The following NEK11 variants were observed in gnomAD, a reference collection of about 807,000 sequenced individuals.
NEK11 encodes NIMA related kinase 11.
In NEK11, 72 loss-of-function variants were observed where a neutral mutation model predicts 80.7. The ratio of observed to expected loss-of-function variants is 0.89; its 90% CI spans 0.74 to 1.08. The LOEUF (loss-of-function observed/expected upper bound fraction) is 1.08, where lower values mean the gene tolerates loss of function less well. Ranked by LOEUF, NEK11 falls within the 50% of genes least tolerant of loss-of-function variation. The probability of loss-of-function intolerance (pLI) is 0.00; values close to 1 mark genes in which losing one functional copy is unlikely to be tolerated. For synonymous variants in NEK11, 251 were observed against 260.7 expected, an observed-to-expected ratio of 0.96 and a Z score of 0.36; for missense variants, 764 against 763.6, an observed-to-expected ratio of 1.00 and a Z score of -0.01.
chr3:131,210,695 T>C (rs1471787250), intron 14 of NEK11, among the ~76,000 whole-genome samples: 1 of 152,234 alleles, frequency 6.6e-6, no homozygotes, highest in Non-Finnish European at 1.5e-5. Flanking sequence ...AGTTAGCTCT[T>C]CTTATTGAAT....
At chr3:131,134,004 T>A in intron 7 of NEK11, 48 bp downstream of exon 7, 1 of 1,497,040 alleles carries the variant, frequency 6.7e-7, no homozygotes, top group Non-Finnish European at 9.0e-7. Context: ...CCTAAAAGAA[T>A]GGTACATTTT....
chr3:131,080,616 CTT>C, intron 4 of NEK11, 28 bp downstream of exon 4: 1 of 1,576,590 alleles, frequency 6.3e-7, no homozygotes, highest in Non-Finnish European at 8.6e-7. Context: ...TCTTGGAAGT[CTT>C]TATAAAAACT....
At chr3:131,291,605 T>A (rs774338556) in intron 17 of NEK11, among the ~76,000 whole-genome samples, 2 of 152,222 alleles carry the variant, frequency 1.3e-5, no homozygotes, top group South Asian at 4.1e-4. Context: ...CTCATCCTTG[T>A]CAGCATTTGG....
At chr3:131,240,097 T>C (rs573628749) in intron 15 of NEK11, among the ~76,000 whole-genome samples, 3 of 152,280 alleles carry the variant, frequency 2.0e-5, no homozygotes, top group South Asian at 2.1e-4. Context: ...AATTTTTTTT[T>C]CCCTTTAACT....
At chr3:131,341,150 C>T (rs2097278482) in intron 17 of NEK11, among the ~76,000 whole-genome samples, 1 of 152,152 alleles carries the variant, frequency 6.6e-6, no homozygotes, top group Admixed American at 6.5e-5. Flanking sequence ...AATTCAAATG[C>T]ATCATTGCAG....
chr3:131,086,751 A>G (rs1455171941), intron 4 of NEK11, among the ~76,000 whole-genome samples: 2 of 152,194 alleles, frequency 1.3e-5, no homozygotes, highest in East Asian at 1.9e-4. Flanking sequence ...CTTATTCTCA[A>G]TTATTTTCAG....
intron 3 of NEK11, among the ~76,000 whole-genome samples, chr3:131,071,947 C>G (rs556537901): frequency 3.9e-5 from 6 of 152,286 alleles, no homozygotes; most frequent in Admixed American, 1.3e-4. Flanking sequence ...ACCTAAATAA[C>G]TTTATCATTT....
intron 4 of NEK11, among the ~76,000 whole-genome samples, chr3:131,088,619 T>G (rs566236661): frequency 1.3e-3 from 203 of 152,326 alleles, no homozygotes; most frequent in African/African-American, 4.6e-3. Context: ...GATAAAAGCA[T>G]TATTTCACAT....
intron 17 of NEK11, among the ~76,000 whole-genome samples, chr3:131,342,853 C>T (rs899116048): frequency 2.0e-5 from 3 of 152,104 alleles, no homozygotes; most frequent in African/African-American, 7.2e-5. Context: ...TAACAAAATA[C>T]TTCAGGCTGG....
At chr3:131,066,049 A>G (rs960227560) in intron 3 of NEK11, among the ~76,000 whole-genome samples, 1 of 152,188 alleles carries the variant, frequency 6.6e-6, no homozygotes, top group Admixed American at 6.5e-5. Flanking sequence ...TATGAAAAGG[A>G]TATCACAGAC....
intron 16 of NEK11, among the ~76,000 whole-genome samples, chr3:131,258,617 C>T (rs1020882588): frequency 1.3e-5 from 2 of 152,164 alleles, no homozygotes; most frequent in African/African-American, 4.8e-5. Context: ...ACAGACACTT[C>T]GTCTCTTCCT....
chr3:131,298,240 A>G (rs1191066028), intron 17 of NEK11, among the ~76,000 whole-genome samples: 7 of 151,976 alleles, frequency 4.6e-5, no homozygotes, highest in South Asian at 2.1e-4. Context: ...CATTGAATCT[A>G]TAAATTACCT....
chr3:131,057,202 A>G (rs1353064385), intron 3 of NEK11, among the ~76,000 whole-genome samples: 2 of 151,648 alleles, frequency 1.3e-5, no homozygotes, highest in Admixed American at 6.6e-5. Flanking sequence ...CCATGTCCCT[A>G]CAAAGGACAT....
At chr3:131,263,629 G>T (rs2108511078) in intron 16 of NEK11, among the ~76,000 whole-genome samples, 1 of 152,242 alleles carries the variant, frequency 6.6e-6, no homozygotes, top group African/African-American at 2.4e-5. Context: ...GGACATTTGG[G>T]TTGGTTCCAA....
intron 14 of NEK11, among the ~76,000 whole-genome samples, chr3:131,195,804 A>ATATATG (rs2093982764): frequency 6.8e-6 from 1 of 146,186 alleles, no homozygotes; most frequent in African/African-American, 2.5e-5. Flanking sequence ...ATATATATAT[A>ATATATG]TATATATATA....
chr3:131,027,370 C>G (rs1172904314), intron 1 of NEK11: 1 of 152,018 alleles, frequency 6.6e-6, no homozygotes, highest in East Asian at 1.9e-4. Context: ...AATACTCCTT[C>G]CGTTGTCTTT....
intron 16 of NEK11, among the ~76,000 whole-genome samples, chr3:131,263,907 A>G (rs2095989034): frequency 6.6e-6 from 1 of 152,134 alleles, no homozygotes; most frequent in African/African-American, 2.4e-5. Context: ...TCGCCATTCT[A>G]ACTGCTGTGA....
intron 15 of NEK11, among the ~76,000 whole-genome samples, chr3:131,232,567 C>T (rs1007312139): frequency 3.9e-4 from 59 of 152,350 alleles, no homozygotes; most frequent in Middle Eastern, 3.4e-3. Flanking sequence ...CAGAGTTCCA[C>T]TATTCCAGTT....
chr3:131,170,654 G>T, intron 13 of NEK11, 119 bp from the exon 14 acceptor site: 1 of 691,284 alleles, frequency 1.4e-6, no homozygotes. Flanking sequence ...AACGTTTAAG[G>T]GAGAGGATTA....
Sources: gnomAD v4.1 joint callset for allele counts (sites outside exome capture counted in the v4.1 genomes callset) on GRCh38, gnomAD v4.1.1 for gene constraint, MANE v1.5 for transcripts, NCBI Gene and HGNC (gene_info 2026-07-23, HGNC 2026-07-21) for gene names.